The following EDIL3 variants were observed in gnomAD, a reference collection of about 807,000 sequenced individuals.
EDIL3 encodes the protein EGF-like repeat and discoidin I-like domain-containing protein 3.
EDIL3 carries 37 observed loss-of-function variants against 67.4 expected under a neutral mutation model. The ratio of observed to expected loss-of-function variants is 0.55; its 90% CI spans 0.42 to 0.72. The LOEUF is 0.72. Ranked by LOEUF, EDIL3 falls within the 30% of genes least tolerant of loss-of-function variation. EDIL3 has a pLI of 0.00. For missense variants in EDIL3, 527 were observed against 586.3 expected (o/e 0.90, Z 1.04); for synonymous variants, 195 against 196.3 (o/e 0.99, Z 0.05).
intron 2 of EDIL3, among the ~76,000 whole-genome samples, chr5:84,230,475 T>A (rs1351785097): frequency 6.6e-6 from 1 of 151,706 alleles, no homozygotes; most frequent in African/African-American, 2.4e-5. Flanking sequence ...TGGCACAATC[T>A]CGGCTCACTG....
intron 1 of EDIL3, among the ~76,000 whole-genome samples, chr5:84,328,664 T>A (rs534981294): frequency 6.6e-6 from 1 of 152,016 alleles, no homozygotes; most frequent in African/African-American, 2.4e-5. Context: ...AATGGCAAAT[T>A]TCTTCAGTTC....
chr5:84,380,681 C>T (rs1748057024), intron 1 of EDIL3, among the ~76,000 whole-genome samples: 1 of 152,194 alleles, frequency 6.6e-6, no homozygotes, highest in African/African-American at 2.4e-5. Context: ...ATAATATATA[C>T]AGTTCATCCC....
At chr5:84,135,281 C>T (rs1748068034) in intron 5 of EDIL3, among the ~76,000 whole-genome samples, 1 of 152,160 alleles carries the variant, frequency 6.6e-6, no homozygotes, top group Non-Finnish European at 1.5e-5. Context: ...GGCTTCTCCC[C>T]CGCAATTGTT....
At chr5:84,194,224 A>G (rs2112371079) in intron 3 of EDIL3, among the ~76,000 whole-genome samples, 2 of 152,028 alleles carry the variant, frequency 1.3e-5, no homozygotes, top group South Asian at 4.1e-4. Context: ...CTTTTTGGTC[A>G]TCTTGTTTTG....
intron 5 of EDIL3, among the ~76,000 whole-genome samples, chr5:84,111,418 T>C (rs146325293): frequency 8.5e-5 from 13 of 152,298 alleles, no homozygotes; most frequent in African/African-American, 3.1e-4. Flanking sequence ...AATTCTGTTC[T>C]TATTAATTTA....
intron 4 of EDIL3, among the ~76,000 whole-genome samples, chr5:84,162,099 T>C (rs1347997577): frequency 6.6e-6 from 1 of 151,978 alleles, no homozygotes; most frequent in Non-Finnish European, 1.5e-5. Context: ...CAGTGACACA[T>C]GGGAGGACAG....
At chr5:83,993,345 T>C (rs918834323) in intron 9 of EDIL3, among the ~76,000 whole-genome samples, 2 of 152,164 alleles carry the variant, frequency 1.3e-5, no homozygotes, top group African/African-American at 4.8e-5. Context: ...GCCAAGGCAA[T>C]ATTTCTTGAC....
rs144378222 is a variant in EDIL3 at position 83,948,957 on chromosome 5, G to A, written c.1294-5389C>T. Among the ~76,000 whole-genome samples the A allele has an allele frequency of 3.2e-3, 493 of 151,784 alleles. 4 individuals are homozygous for A. Among genetic ancestry groups the A allele is most frequent in the African/African-American group, 0.011 (443 of 41,444 alleles). On this transcript the variant is annotated intron_variant, in intron 10 of 10. Transcript: ENST00000296591. ...AGCCTCAATATGAGTACATTCTTCC[G>A]GATGTAATAAGGAAACAAGAAATTC...
At chr5:84,073,084 A>C (rs560840107) in intron 6 of EDIL3, among the ~76,000 whole-genome samples, 84 of 152,338 alleles carry the variant, frequency 5.5e-4, no homozygotes, top group Admixed American at 1.1e-3. Flanking sequence ...AAACAGAACC[A>C]AAGACAAAAA....
intron 4 of EDIL3, among the ~76,000 whole-genome samples, chr5:84,169,657 C>CT (rs538901765): frequency 1.6e-4 from 23 of 142,334 alleles, no homozygotes; most frequent in Middle Eastern, 7.0e-3. Context: ...TTGGGATTGG[C>CT]TTTTTTTTTT....
rs1357350685 is a variant in EDIL3, at chr5:83,941,885, A to G, written c.*1534T>C. 6.6e-6 allele frequency: 1 copy of G among 152,036 alleles called. No homozygotes were observed. Among genetic ancestry groups the G allele is most frequent in the East Asian group, 1.9e-4 (1 of 5,170 alleles). 9.4% of individuals were successfully genotyped at this position (152,036 alleles called of 1,614,324 possible). A position where few individuals can be genotyped will look rare whatever the true frequency, so the allele number is the denominator to read the frequency against. ...ACTATGATTGAAGACCACTCCATAT[A>G]TACATCATTAAGAAATGCTGTTAAC... is the stretch of plus-strand genomic sequence containing the variant. On this transcript the variant is annotated 3_prime_UTR_variant, in exon 11 of 11. Transcript: ENST00000296591.
chr5:84,319,494 CAAAAAAAAAA>C lies in EDIL3; in HGVS notation c.67+64804_67+64813del, dbSNP rs55738450. On this transcript the variant is annotated intron_variant, in intron 1 of 10. Transcript: ENST00000296591. The stretch of plus-strand genomic sequence containing the variant: ...AAAAAAAACAAAAAACAAAAAACAA[CAAAAAAAAAA>C]AAAAAAAAAAAAAAAAAAAGAAATA... 2.6e-4 allele frequency among the ~76,000 whole-genome samples: 11 copies of C among 42,836 alleles called. 1 individual carries two copies. Among genetic ancestry groups the C allele is most frequent in the East Asian group, 5.6e-4 (1 of 1,784 alleles). The allele number at this position is 42,836 out of a possible 152,430, so 28.1% of individuals were successfully genotyped here. A position where few individuals can be genotyped will look rare whatever the true frequency, so the allele number is the denominator to read the frequency against.
At chr5:84,020,067 T>A (rs1191977002) in intron 9 of EDIL3, among the ~76,000 whole-genome samples, 1 of 104,832 alleles carries the variant, frequency 9.5e-6, no homozygotes, top group African/African-American at 3.5e-5. Context: ...ACGTAGATTA[T>A]CTTTTGTACA....
intron 4 of EDIL3, among the ~76,000 whole-genome samples, chr5:84,174,842 T>C (rs1748874456): frequency 6.6e-6 from 1 of 152,132 alleles, no homozygotes; most frequent in Non-Finnish European, 1.5e-5. Flanking sequence ...TAGTTTTTAG[T>C]GCTGCTGCCA....
chr5:84,059,330 G>A (rs371607705), intron 9 of EDIL3, among the ~76,000 whole-genome samples: 2 of 152,120 alleles, frequency 1.3e-5, no homozygotes, highest in African/African-American at 4.8e-5. Context: ...TGGAGCCCAG[G>A]AATTTAAGGC....
intron 9 of EDIL3, among the ~76,000 whole-genome samples, chr5:84,052,872 C>T (rs1024544889): frequency 6.6e-6 from 1 of 152,140 alleles, no homozygotes. Flanking sequence ...GACTTTAATA[C>T]CCCACTGTCA....
intron 6 of EDIL3, among the ~76,000 whole-genome samples, chr5:84,103,426 A>G (rs1391379827): frequency 6.6e-6 from 1 of 152,172 alleles, no homozygotes; most frequent in Non-Finnish European, 1.5e-5. Context: ...AACACAGTGA[A>G]CAGACAACCT....
intron 9 of EDIL3, among the ~76,000 whole-genome samples, chr5:83,981,291 AAT>A (rs1302998022): frequency 6.6e-6 from 1 of 152,068 alleles, no homozygotes; most frequent in Non-Finnish European, 1.5e-5. Flanking sequence ...TTTAAATATA[AAT>A]ATATGTGTAT....
intron 9 of EDIL3, among the ~76,000 whole-genome samples, chr5:84,054,741 C>A (rs892265173): frequency 2.0e-5 from 3 of 151,866 alleles, no homozygotes; most frequent in Non-Finnish European, 4.4e-5. Context: ...ACCTAGGAAT[C>A]CAACTTACAA....
Sources: allele counts gnomAD v4.1 joint callset (sites outside exome capture counted in the v4.1 genomes callset), GRCh38; gene constraint gnomAD v4.1.1; transcripts MANE v1.5; gene names NCBI Gene and HGNC (gene_info 2026-07-23, HGNC 2026-07-21).